Variants in OPCML observed in about 807,000 individuals in gnomAD.
OPCML encodes the protein opioid-binding protein/cell adhesion molecule.
A neutral mutation model predicts 37.8 loss-of-function variants in OPCML; 13 were observed. The ratio of observed to expected loss-of-function variants is 0.34; its 90% CI spans 0.22 to 0.55. OPCML has a LOEUF of 0.55. OPCML is among the 20% of genes least tolerant of loss of function. OPCML has a pLI of 0.91. For synonymous variants in OPCML, 176 were observed against 168.8 expected, an observed-to-expected ratio of 1.04 and a Z score of -0.33; for missense variants, 341 against 435.6, an observed-to-expected ratio of 0.78 and a Z score of 1.93.
chr11:133,093,847 C>G (rs907269176), intron 1 of OPCML, among the ~76,000 whole-genome samples: 1 of 152,036 alleles, frequency 6.6e-6, no homozygotes, highest in Non-Finnish European at 1.5e-5. Flanking sequence ...CAAATGTCAT[C>G]TCTGCATTCA....
chr11:132,463,020 A>C (rs2096108020), intron 4 of OPCML, among the ~76,000 whole-genome samples: 1 of 152,156 alleles, frequency 6.6e-6, no homozygotes, highest in Admixed American at 6.5e-5. Flanking sequence ...CTCCCTTACC[A>C]ATTATCCAGA....
intron 1 of OPCML, among the ~76,000 whole-genome samples, chr11:133,210,675 C>T (rs934762394): frequency 6.6e-6 from 1 of 152,080 alleles, no homozygotes; most frequent in South Asian, 2.1e-4. Flanking sequence ...TTCCAACATA[C>T]ATGGCTATTT....
chr11:132,770,318 AAGTT>A (rs938615337), intron 2 of OPCML, among the ~76,000 whole-genome samples: 20 of 152,002 alleles, frequency 1.3e-4, no homozygotes, highest in African/African-American at 4.1e-4. Context: ...CAAATATTTG[AAGTT>A]AGTTAGTTAG....
At chr11:133,271,163 C>A (rs1467229946) in intron 1 of OPCML, among the ~76,000 whole-genome samples, 1 of 152,126 alleles carries the variant, frequency 6.6e-6, no homozygotes, top group Non-Finnish European at 1.5e-5. Context: ...ATTCCCTACT[C>A]TATAAAATAA....
At chr11:133,107,325 T>C in intron 1 of OPCML, among the ~76,000 whole-genome samples, 1 of 152,204 alleles carries the variant, frequency 6.6e-6, no homozygotes, top group East Asian at 1.9e-4. Context: ...TGCACTCTGA[T>C]AACGGGGAGG....
intron 7 of OPCML, among the ~76,000 whole-genome samples, chr11:132,433,198 C>T (rs1007277708): frequency 6.6e-6 from 1 of 152,116 alleles, no homozygotes; most frequent in Non-Finnish European, 1.5e-5. Context: ...GGGGAAGAGG[C>T]GATAGCATGG....
At chr11:133,343,364 A>C (rs956318752) in intron 1 of OPCML, among the ~76,000 whole-genome samples, 4 of 152,146 alleles carry the variant, frequency 2.6e-5, no homozygotes, top group African/African-American at 4.8e-5. Context: ...TGTCACTCCC[A>C]AATCTCCCTC....
intron 1 of OPCML, among the ~76,000 whole-genome samples, chr11:133,390,474 C>A (rs1945151607): frequency 6.6e-6 from 1 of 151,490 alleles, no homozygotes; most frequent in African/African-American, 2.4e-5. Flanking sequence ...ACAAAAACAA[C>A]AACAACGACA....
chr11:133,034,639 T>C (rs564507095), intron 1 of OPCML, among the ~76,000 whole-genome samples: 13 of 152,260 alleles, frequency 8.5e-5, no homozygotes, highest in African/African-American at 2.9e-4. Flanking sequence ...ATGTAGAGAA[T>C]GAAAATAACT....
At chr11:132,654,103 A>G (rs1395255724) in intron 3 of OPCML, among the ~76,000 whole-genome samples, 1 of 152,218 alleles carries the variant, frequency 6.6e-6, no homozygotes, top group East Asian at 1.9e-4. Flanking sequence ...TAGACTGGAC[A>G]AAAGCTGATG....
chr11:133,428,629 A>T (rs901238669), intron 1 of OPCML, among the ~76,000 whole-genome samples: 1 of 152,218 alleles, frequency 6.6e-6, no homozygotes, highest in Non-Finnish European at 1.5e-5. Flanking sequence ...CTTAAACAAG[A>T]CACATGTAAG....
intron 4 of OPCML, among the ~76,000 whole-genome samples, chr11:132,474,142 GCAGCAAT>G (rs2096147036): frequency 6.6e-6 from 1 of 152,150 alleles, no homozygotes; most frequent in African/African-American, 2.4e-5. Flanking sequence ...CCAACATGCA[GCAGCAAT>G]CATATTCATA....
intron 1 of OPCML, among the ~76,000 whole-genome samples, chr11:133,179,806 C>T (rs1937735883): frequency 6.6e-6 from 1 of 152,146 alleles, no homozygotes. Flanking sequence ...AATAGAAGAA[C>T]AGCCTCCCAA....
intron 4 of OPCML, among the ~76,000 whole-genome samples, chr11:132,475,609 C>A (rs557269083): frequency 6.6e-6 from 1 of 152,104 alleles, no homozygotes; most frequent in East Asian, 1.9e-4. Flanking sequence ...AAGAGGGCAG[C>A]CATCTGCAAG....
At chr11:132,524,936 A>G (rs1285341321) in intron 4 of OPCML, among the ~76,000 whole-genome samples, 1 of 152,192 alleles carries the variant, frequency 6.6e-6, no homozygotes, top group Non-Finnish European at 1.5e-5. Flanking sequence ...GTTCCCCAGA[A>G]ACATCAATGA....
chr11:132,692,031 A>G (rs1189441301), intron 2 of OPCML, among the ~76,000 whole-genome samples: 1 of 152,216 alleles, frequency 6.6e-6, no homozygotes, highest in African/African-American at 2.4e-5. Context: ...TGGCTGTGTA[A>G]GAATTCAATC....
intron 2 of OPCML, among the ~76,000 whole-genome samples, chr11:132,902,264 C>T (rs947166570): frequency 7.2e-5 from 11 of 152,046 alleles, no homozygotes; most frequent in African/African-American, 1.2e-4. Flanking sequence ...GTTGTTAGCC[C>T]GATGGGGATG....
chr11:133,488,302 T>C (rs960081905), intron 1 of OPCML, among the ~76,000 whole-genome samples: 1 of 152,096 alleles, frequency 6.6e-6, no homozygotes, highest in African/African-American at 2.4e-5. Flanking sequence ...GGCATCCAAA[T>C]TGGAAAAGAA....
At chr11:133,242,193 A>G (rs1940756567) in intron 1 of OPCML, among the ~76,000 whole-genome samples, 1 of 152,198 alleles carries the variant, frequency 6.6e-6, no homozygotes, top group African/African-American at 2.4e-5. Context: ...CACATTTTGT[A>G]CATGAGTCAC....
Sources: gnomAD v4.1 joint callset for allele counts (sites outside exome capture counted in the v4.1 genomes callset) on GRCh38, gnomAD v4.1.1 for gene constraint, MANE v1.5 for transcripts, NCBI Gene and HGNC (gene_info 2026-07-23, HGNC 2026-07-21) for gene names.